Variants in A1BG observed in about 807,000 individuals in gnomAD.
A1BG encodes alpha-1B-glycoprotein.
A neutral mutation model predicts 46.0 loss-of-function variants in A1BG; 44 were observed. That is an observed-to-expected ratio of 0.96 (90% CI 0.75 to 1.23). The LOEUF (loss-of-function observed/expected upper bound fraction) is 1.23, where lower values mean the gene tolerates loss of function less well. Ranked by LOEUF, A1BG falls within the 50% of genes most tolerant of loss-of-function variation. The pLI is 0.00. For synonymous variants in A1BG, 316 were observed against 314.7 expected, an observed-to-expected ratio of 1.00 and a Z score of -0.04; for missense variants, 707 against 688.8, an observed-to-expected ratio of 1.03 and a Z score of -0.30.
chr19:58,352,159 G>T, intron 4 of A1BG, 124 bp downstream of exon 4: 1 of 1,514,792 alleles, frequency 6.6e-7, no homozygotes, highest in Non-Finnish European at 8.8e-7. Context: ...CCAGGCAACC[G>T]TGTGGCCAGC....
At chr19:58,350,870 C>G (rs1233755710) in intron 5 of A1BG, 1 of 466,100 alleles carries the variant, frequency 2.1e-6, no homozygotes, top group Non-Finnish European at 3.7e-6. Context: ...TGTTTGTCTA[C>G]AGACACAGAC....
At chr19:58,350,299 G>A in intron 6 of A1BG, 71 bp downstream of exon 6, 2 of 1,456,894 alleles carry the variant, frequency 1.4e-6, no homozygotes, top group Non-Finnish European at 9.1e-7. Flanking sequence ...CCCAAGGAAA[G>A]AGGGGAAAGA....
intron 7 of A1BG, 92 bp downstream of exon 7, chr19:58,347,261 G>A (rs865796493): frequency 3.2e-6 from 5 of 1,557,066 alleles, no homozygotes; most frequent in Admixed American, 1.8e-5. Flanking sequence ...GGTGCCCAAG[G>A]GAGGAGCCGG....
intron 3 of A1BG, 28 bp from the exon 4 acceptor site, chr19:58,352,583 C>T: frequency 6.3e-7 from 1 of 1,596,932 alleles, no homozygotes; most frequent in Non-Finnish European, 8.5e-7. Context: ...TTGAAGAGTG[C>T]TTCTGCATAA....
chr19:58,350,263 AAGGCCC>A, intron 6 of A1BG, 101 bp downstream of exon 6: 1 of 1,370,864 alleles, frequency 7.3e-7, no homozygotes, highest in Non-Finnish European at 9.6e-7. Context: ...GGGCTGAACC[AAGGCCC>A]AGAGCGCCGC....
At position 58,353,085 on chromosome 19, in the gene A1BG, G is replaced by C; in HGVS notation, c.183C>G (p.Phe61Leu). Residue 61 changes from phenylalanine to leucine, a missense_variant, in exon 3 of 8, where the codon TTC becomes TTG. Phe to Leu is a conservative substitution (Grantham distance 22). Coordinates refer to ENST00000263100, the MANE Select transcript of A1BG (RefSeq NM_130786.4). ...CAGGCTCCTGGGCCACCCCATTCTT[G>C]AACAGCTGGAAGTCTGGAGTCTCCA... is the stretch of plus-strand genomic sequence containing the variant. ...AHLETPDFQL[F>L]KNGVAQEPVH... is the part of the protein sequence containing the mutation. The C allele has an allele frequency of 6.2e-7, 1 of 1,614,170 alleles. No homozygotes were observed. The highest frequency in any genetic ancestry group is 8.5e-7 in the Non-Finnish European group (1 of 1,180,032).
Position 58,352,535 on chromosome 19 carries a change from G to A in A1BG, c.361C>T (p.Leu121Phe). ...TGPKSLPAPW[L>F]SMAPVSWITP... ...ATCCAGGACACTGGCGCCATCGAGA[G>A]CCAGGGAGCAGGCAAGGACTCTGTG... The change falls in exon 4 of 8, where the codon CTC becomes TTC. Residue 121 changes from leucine to phenylalanine, a missense_variant. Leu to Phe is a conservative substitution (Grantham distance 22). Transcript: ENST00000263100. The A allele has an allele frequency of 6.2e-7, 1 of 1,610,122 alleles. No homozygotes were observed. Among genetic ancestry groups the A allele is most frequent in the East Asian group, 2.2e-5 (1 of 44,868 alleles).
chr19:58,351,792 A>ATTTT lies in A1BG; in HGVS notation c.614-106_614-105insAAAA. 5.2e-6 allele frequency: 5 copies of ATTTT among 968,364 alleles called. No homozygotes were observed. In the African/African-American group the frequency reaches 6.0e-5, roughly 12 times the overall value. The allele number at this position is 968,364 out of a possible 1,614,324, so 60.0% of individuals were successfully genotyped here. A position where few individuals can be genotyped will look rare whatever the true frequency, so the allele number is the denominator to read the frequency against. On this transcript the variant is annotated intron_variant, in intron 4 of 7. Coordinates refer to ENST00000263100, the MANE Select transcript of A1BG (RefSeq NM_130786.4). Reference sequence around the variant, plus strand: ...GTGGCAATCCCAGGAACACCCTTCCATTCTTTTTTTTTTTTTTTTTTGAAA... The same window carrying ATTTT: ...GTGGCAATCCCAGGAACACCCTTCCATTTTTTCTTTTTTTTTTTTTTTTTTGAAA...
In A1BG at chr19:58,351,470, G is replaced by A. The variant is rs771461441; in HGVS notation, c.831C>T (p.Tyr277=). The change falls in exon 5 of 8, where the codon TAC becomes TAT. Residue 277 remains tyrosine, a synonymous_variant. Transcript: ENST00000263100. ...TGTCATGCAGCCGGTAGCGGCAGGT[G>A]TAGTGACCTCCATCCCCCAGGGCCA... ...NAVALGDGGH[Y]TCRYRLHDNQ... 1.2e-6 allele frequency: 2 copies of A among 1,613,590 alleles called. No individual in the cohort carries two copies. The highest frequency in any genetic ancestry group is 1.7e-6 in the Non-Finnish European group (2 of 1,180,024).
chr19:58,350,894 G>A (rs12974750), intron 5 of A1BG: 3 of 440,130 alleles, frequency 6.8e-6, no homozygotes, highest in Middle Eastern at 5.9e-4. Flanking sequence ...AAGCGGGGAC[G>A]GGGACATGTT....
chr19:58,351,296 C>A, intron 5 of A1BG, 95 bp downstream of exon 5: 3 of 1,485,954 alleles, frequency 2.0e-6, no homozygotes, highest in Non-Finnish European at 2.7e-6. Flanking sequence ...TGGACCCTGG[C>A]CCAGAGCACT....
rs760335154 is a variant in A1BG at position 58,347,594 on chromosome 19, G to A, written c.1239C>T (p.Val413=). Residue 413 remains valine (V), a synonymous_variant, in exon 7 of 8, where the codon GTC becomes GTT. Coordinates refer to ENST00000263100, the MANE Select transcript of A1BG (RefSeq NM_130786.4). Reference sequence around the variant, plus strand: ...GCAGGACGGCATCTCGGCCCGCCAGGACCGCCCCACTCCACGTCGCCCGGA... The same window carrying A: ...GCAGGACGGCATCTCGGCCCGCCAGAACCGCCCCACTCCACGTCGCCCGGA... ...PQLRATWSGA[V]LAGRDAVLRC... The A allele has an allele frequency of 1.7e-5, 25 of 1,509,148 alleles. No individual in the cohort carries two copies. The highest frequency in any genetic ancestry group is 5.0e-5 in the East Asian group (2 of 40,174). 93.5% of individuals were successfully genotyped at this position (1,509,148 alleles called of 1,614,324 possible). A position where few individuals can be genotyped will look rare whatever the true frequency, so the allele number is the denominator to read the frequency against.
At chr19:58,352,014 T>A (rs1250087448) in intron 4 of A1BG, 29 of 1,181,706 alleles carry the variant, frequency 2.5e-5, no homozygotes, top group Non-Finnish European at 3.2e-5. Context: ...TAGACTGGTC[T>A]CGATCTCTTG....
In A1BG at chr19:58,351,482, A is replaced by G; in HGVS notation, c.819T>C (p.Asp273=). The part of the protein sequence containing the change: ...FFHLNAVALG[D]GGHYTCRYRL... ...GGTAGCGGCAGGTGTAGTGACCTCC[A>G]TCCCCCAGGGCCACCGCGTTCAGGT... The change falls in exon 5 of 8, where the codon GAT becomes GAC. Residue 273 remains aspartate, a synonymous_variant. Transcript: ENST00000263100. The G allele has an allele frequency of 6.2e-7, 1 of 1,613,304 alleles. No homozygotes were observed. The highest frequency in any genetic ancestry group is 8.5e-7 in the Non-Finnish European group (1 of 1,179,960).
Position 58,353,387 on chromosome 19 carries a change from A to G in A1BG, c.34+17T>C. 1 of 1,612,028 alleles carries G rather than the reference A, an allele frequency of 6.2e-7. No homozygotes were observed. The highest frequency in any genetic ancestry group is 8.5e-7 in the Non-Finnish European group (1 of 1,179,196). On this transcript the variant is annotated intron_variant, in intron 1 of 7. Transcript: ENST00000263100. ...GCCCCCTCCCGCCCCAGGGACCCAG[A>G]CCCCAGGAGGCCTCACCCCACAGCA...
chr19:58,352,804 C>A, intron 3 of A1BG, 124 bp downstream of exon 3: 1 of 1,395,588 alleles, frequency 7.2e-7, no homozygotes, highest in Non-Finnish European at 9.7e-7. Flanking sequence ...ACATCATCCC[C>A]ATTTGACAGA....
chr19:58,352,134 T>G (rs1365129490), intron 4 of A1BG, 149 bp downstream of exon 4: 8 of 1,488,072 alleles, frequency 5.4e-6, no homozygotes, highest in Non-Finnish European at 7.1e-6. Flanking sequence ...CCAAACTCCT[T>G]TGCAACCATC....
At position 58,353,123 on chromosome 19, in the gene A1BG, A is replaced by C. The variant is rs1447528353; in HGVS notation, c.145T>G (p.Cys49Gly). 1 of 1,613,998 alleles carries C rather than the reference A, an allele frequency of 6.2e-7. No individual in the cohort carries two copies. Among genetic ancestry groups the C allele is most frequent in the East Asian group, 2.2e-5 (1 of 44,888 alleles). The part of the protein sequence containing the change: ...LKPLANVTLT[C>G]QAHLETPDFQ... ...TCTGGAGTCTCCAGGTGGGCCTGGC[A>C]CGTCAGCGTCACATTGGCCAAGGGT... The change falls in exon 3 of 8, where the codon TGC becomes GGC. Residue 49 changes from cysteine (C) to glycine (G), a missense_variant. Coordinates refer to ENST00000263100, the MANE Select transcript of A1BG (RefSeq NM_130786.4).
chr19:58,351,054 G>T, intron 5 of A1BG: 1 of 466,400 alleles, frequency 2.1e-6, no homozygotes, highest in South Asian at 2.9e-5. Flanking sequence ...CTCAGAGTTT[G>T]CTAAATACCA....
Sources: allele counts gnomAD v4.1 joint callset, GRCh38; gene constraint gnomAD v4.1.1; transcripts MANE v1.5; gene names NCBI Gene and HGNC (gene_info 2026-07-23, HGNC 2026-07-21).